Variants in DENND1A observed in about 807,000 individuals in gnomAD.
DENND1A encodes the protein DENN domain-containing protein 1A.
A neutral mutation model predicts 113.7 loss-of-function variants in DENND1A; 51 were observed. The observed-to-expected ratio is 0.45, with a 90% CI of 0.36 to 0.57. DENND1A has a LOEUF of 0.57. Among genes scored for constraint, DENND1A ranks in the 20% least tolerant of loss-of-function variants. The pLI is 0.00. For missense variants in DENND1A, 1,258 were observed against 1,395.9 expected (o/e 0.90, Z 1.57); for synonymous variants, 565 against 570.8 (o/e 0.99, Z 0.14).
chr9:123,531,552 T>TACACACACACA (rs1266925768), intron 13 of DENND1A, among the ~76,000 whole-genome samples: 1 of 133,874 alleles, frequency 7.5e-6, no homozygotes, highest in African/African-American at 2.8e-5. Flanking sequence ...CCCCTCTCTC[T>TACACACACACA]CTACACACAC....
intron 5 of DENND1A, among the ~76,000 whole-genome samples, chr9:123,711,513 G>GTATATATATATATATATATA (rs56814463): frequency 3.1e-4 from 38 of 120,946 alleles, no homozygotes; most frequent in Admixed American, 5.3e-4. Context: ...ATGTATATAT[G>GTATATATATATATATATATA]TATATATATA....
At position 123,613,064 on chromosome 9, in the gene DENND1A, G is replaced by A. The variant is rs75098964; in HGVS notation, c.720-3583C>T. The stretch of plus-strand genomic sequence containing the variant: ...GAATGGTCAAGATGCCATGAGGAAT[G>A]GGAGGTGCTTGACAGGCACACACCA... On this transcript the variant is annotated intron_variant, in intron 10 of 23. Coordinates refer to ENST00000394215, the MANE Select transcript of DENND1A (RefSeq NM_001352964.2). Among the ~76,000 whole-genome samples the A allele has an allele frequency of 3.2e-3, 478 of 149,032 alleles. 2 individuals carry two copies. The highest frequency in any genetic ancestry group is 0.01 in the African/African-American group (410 of 40,450).
chr9:123,526,538 T>A (rs2054862785), intron 13 of DENND1A, among the ~76,000 whole-genome samples: 1 of 152,200 alleles, frequency 6.6e-6, no homozygotes, highest in Non-Finnish European at 1.5e-5. Context: ...CCAGCCACAA[T>A]GCCCCGAGGG....
intron 13 of DENND1A, among the ~76,000 whole-genome samples, chr9:123,501,251 T>C (rs1022181437): frequency 2.0e-5 from 3 of 152,192 alleles, no homozygotes; most frequent in African/African-American, 7.2e-5. Flanking sequence ...GGTTCATCCA[T>C]GGTGTAGCAT....
At chr9:123,839,995 T>G (rs566400458) in intron 2 of DENND1A, among the ~76,000 whole-genome samples, 1 of 152,312 alleles carries the variant, frequency 6.6e-6, no homozygotes, top group South Asian at 2.1e-4. Context: ...ATGATTAATT[T>G]ACTTTAAGGT....
chr9:123,402,762 C>T (rs1343900678), intron 21 of DENND1A, among the ~76,000 whole-genome samples: 1 of 152,264 alleles, frequency 6.6e-6, no homozygotes, highest in Admixed American at 6.5e-5. Context: ...TGCCTCACCC[C>T]ACCACAGGCA....
At chr9:123,794,945 A>G (rs1833543953) in intron 2 of DENND1A, among the ~76,000 whole-genome samples, 1 of 152,188 alleles carries the variant, frequency 6.6e-6, no homozygotes, top group South Asian at 2.1e-4. Context: ...AAAGCAATAT[A>G]AACGCCATCA....
intron 5 of DENND1A, among the ~76,000 whole-genome samples, chr9:123,686,201 C>T (rs2064801264): frequency 6.6e-6 from 1 of 152,176 alleles, no homozygotes; most frequent in South Asian, 2.1e-4. Flanking sequence ...CTCTTCATAA[C>T]TCTGTGAGAT....
intron 11 of DENND1A, among the ~76,000 whole-genome samples, chr9:123,604,298 C>T (rs2137503603): frequency 6.6e-6 from 1 of 152,326 alleles, no homozygotes; most frequent in East Asian, 1.9e-4. Context: ...CATTCTCTTC[C>T]TCTGAGAAGC....
chr9:123,747,430 T>C (rs2069609538), intron 5 of DENND1A, among the ~76,000 whole-genome samples: 1 of 152,118 alleles, frequency 6.6e-6, no homozygotes, highest in Admixed American at 6.5e-5. Context: ...CTGTAATAAA[T>C]ATTGCTTTGT....
At chr9:123,395,606 C>T (rs746412107) in intron 21 of DENND1A, among the ~76,000 whole-genome samples, 64 of 152,076 alleles carry the variant, frequency 4.2e-4, no homozygotes, top group Non-Finnish European at 6.5e-4. Context: ...TGGGCCCTGG[C>T]AGCCTGCCAG....
chr9:123,608,531 TTAGGG>T (rs2060272161), intron 11 of DENND1A, among the ~76,000 whole-genome samples: 1 of 152,138 alleles, frequency 6.6e-6, no homozygotes, highest in African/African-American at 2.4e-5. Context: ...AGGAAAGGGC[TTAGGG>T]TACATGTCTA....
At chr9:123,393,095 A>G (rs2042939117) in intron 21 of DENND1A, among the ~76,000 whole-genome samples, 1 of 152,170 alleles carries the variant, frequency 6.6e-6, no homozygotes, top group Non-Finnish European at 1.5e-5. Context: ...ACATCTTTGC[A>G]ACCTTATTTT....
intron 5 of DENND1A, among the ~76,000 whole-genome samples, chr9:123,719,089 T>C (rs2141095030): frequency 6.6e-6 from 1 of 152,322 alleles, no homozygotes; most frequent in East Asian, 1.9e-4. Context: ...CCTTCCACCA[T>C]GATTGTGAGG....
At chr9:123,504,579 TAG>T (rs2052756412) in intron 13 of DENND1A, among the ~76,000 whole-genome samples, 1 of 152,242 alleles carries the variant, frequency 6.6e-6, no homozygotes, top group Non-Finnish European at 1.5e-5. Flanking sequence ...TACAAATTCT[TAG>T]TGGATTTCAG....
At chr9:123,785,674 T>C (rs1832040811) in intron 3 of DENND1A, among the ~76,000 whole-genome samples, 1 of 152,184 alleles carries the variant, frequency 6.6e-6, no homozygotes, top group Non-Finnish European at 1.5e-5. Context: ...CAGCTACATT[T>C]GGTGGCATTC....
chr9:123,740,896 A>C, intron 5 of DENND1A, among the ~76,000 whole-genome samples: 1 of 34,016 alleles, frequency 2.9e-5, no homozygotes, highest in African/African-American at 1.0e-4. Context: ...GAGGAAGGGA[A>C]AGTGAGAGAG....
chr9:123,733,117 G>A (rs997818735), intron 5 of DENND1A, among the ~76,000 whole-genome samples: 3 of 152,044 alleles, frequency 2.0e-5, no homozygotes, highest in African/African-American at 4.8e-5. Context: ...AAGTAGCTGG[G>A]ATTATAGGCA....
In DENND1A at chr9:123,750,428, C is replaced by T. The variant is rs117081638; in HGVS notation, c.302+7275G>A. ...AAGAGCACCCCATGCCCTGCACCCACACAAGCCTTTCAAAATACTGAGGAA... is the reference window on the plus strand; with the variant it reads ...AAGAGCACCCCATGCCCTGCACCCATACAAGCCTTTCAAAATACTGAGGAA... On this transcript the variant is annotated intron_variant, in intron 5 of 23. Transcript: ENST00000394215. 1.4e-4 allele frequency among the ~76,000 whole-genome samples: 21 copies of T among 152,360 alleles called. No homozygotes were observed. The East Asian group carries it at 3.9e-3, about 28-fold the overall frequency.
Sources: gnomAD v4.1 joint callset for allele counts (sites outside exome capture counted in the v4.1 genomes callset) on GRCh38, gnomAD v4.1.1 for gene constraint, MANE v1.5 for transcripts, NCBI Gene and HGNC (gene_info 2026-07-23, HGNC 2026-07-21) for gene names.